The following FIG4 variants were observed in gnomAD, a reference collection of about 807,000 sequenced individuals.
FIG4 encodes the protein FIG4 phosphoinositide 5-phosphatase.
A neutral mutation model predicts 118.6 loss-of-function variants in FIG4; 112 were observed. That is an observed-to-expected ratio of 0.94 (90% CI 0.81 to 1.11). The LOEUF (loss-of-function observed/expected upper bound fraction) is 1.11. Among genes scored for constraint, FIG4 ranks in the 50% least tolerant of loss-of-function variants. The pLI, the probability that FIG4 is intolerant of heterozygous loss-of-function variation, is 0.00. For synonymous variants in FIG4, 369 were observed against 381.2 expected, an observed-to-expected ratio of 0.97 and a Z score of 0.37; for missense variants, 969 against 1,111.7, an observed-to-expected ratio of 0.87 and a Z score of 1.83.
chr6:109,764,021 T>C, intron 13 of FIG4, 39 bp downstream of exon 13: 2 of 1,352,436 alleles, frequency 1.5e-6, no homozygotes, highest in Non-Finnish European at 1.1e-6. Flanking sequence ...ATAGAATCTG[T>C]ATCCATTGTG....
chr6:109,725,127 C>A (rs1444075083), intron 3 of FIG4, among the ~76,000 whole-genome samples: 4 of 152,012 alleles, frequency 2.6e-5, no homozygotes, highest in Admixed American at 2.6e-4. Flanking sequence ...GATACATGTG[C>A]AGAATGTGCA....
At chr6:109,771,037 A>G (rs1777442868) in intron 15 of FIG4, among the ~76,000 whole-genome samples, 1 of 152,232 alleles carries the variant, frequency 6.6e-6, no homozygotes, top group South Asian at 2.1e-4. Context: ...ATTTTAATTT[A>G]TCAAGAATAG....
chr6:109,816,570 T>C (rs1778867890), intron 22 of FIG4, among the ~76,000 whole-genome samples: 1 of 152,152 alleles, frequency 6.6e-6, no homozygotes, highest in African/African-American at 2.4e-5. Context: ...GAAGAAGGTG[T>C]TAATAAGACA....
At chr6:109,796,282 C>T (rs1778284803) in intron 21 of FIG4, among the ~76,000 whole-genome samples, 1 of 152,212 alleles carries the variant, frequency 6.6e-6, no homozygotes, top group Non-Finnish European at 1.5e-5. Context: ...CTGTGGCCGG[C>T]TCTTAGCAGT....
At chr6:109,747,326 T>G (rs1776533458) in intron 10 of FIG4, among the ~76,000 whole-genome samples, 1 of 152,054 alleles carries the variant, frequency 6.6e-6, no homozygotes, top group Non-Finnish European at 1.5e-5. Context: ...TCTCCTGCTC[T>G]TAATGCCCAT....
intron 10 of FIG4, among the ~76,000 whole-genome samples, chr6:109,747,261 G>T (rs900735583): frequency 2.6e-5 from 4 of 152,078 alleles, no homozygotes; most frequent in Admixed American, 6.6e-5. Flanking sequence ...TGGATGAGAT[G>T]CCCATGTGGA....
intron 1 of FIG4, among the ~76,000 whole-genome samples, chr6:109,696,140 G>A (rs1208506504): frequency 6.6e-6 from 1 of 152,134 alleles, no homozygotes; most frequent in Non-Finnish European, 1.5e-5. Context: ...AAGCATCAAT[G>A]ATTTCACCCT....
chr6:109,702,672 A>C (rs202212760), intron 1 of FIG4, among the ~76,000 whole-genome samples: 1 of 151,540 alleles, frequency 6.6e-6, no homozygotes, highest in Non-Finnish European at 1.5e-5. Context: ...TTCCTTCCCT[A>C]TTCTTGGATA....
chr6:109,784,976 T>C lies in FIG4; in HGVS notation c.1896T>C (p.Thr632=), dbSNP rs761894625. ...MRLLPTRRSY[T]YWWTPEVIKH... is the part of the protein sequence containing the mutation. ...TTTAATTTTTATTTTATAGTTATAC[T>C]TACTGGTGGACACCAGAGGTGATAA... Residue 632 remains threonine (T), a synonymous_variant, in exon 17 of 23, where the codon ACT becomes ACC. Coordinates refer to ENST00000230124, the MANE Select transcript of FIG4 (RefSeq NM_014845.6). The C allele has an allele frequency of 6.5e-7, 1 of 1,527,922 alleles. No homozygotes were observed. Among genetic ancestry groups the C allele is most frequent in the South Asian group, 1.2e-5 (1 of 86,568 alleles). The allele number at this position is 1,527,922 out of a possible 1,614,324, so 94.6% of individuals were successfully genotyped here.
At chr6:109,823,633 G>C (rs1779075013) in intron 22 of FIG4, among the ~76,000 whole-genome samples, 1 of 152,040 alleles carries the variant, frequency 6.6e-6, no homozygotes, top group Non-Finnish European at 1.5e-5. Context: ...GTGAAATGTT[G>C]ATATTTCAAG....
At chr6:109,791,012 C>T (rs4376385) in intron 19 of FIG4, among the ~76,000 whole-genome samples, 8,016 of 152,098 alleles carry the variant, frequency 0.053, 387 homozygotes, top group East Asian at 0.19. Flanking sequence ...TTATGAGTTA[C>T]AGCTAATTTT....
chr6:109,745,920 G>C (rs1776481699), intron 10 of FIG4, among the ~76,000 whole-genome samples: 1 of 152,034 alleles, frequency 6.6e-6, no homozygotes, highest in Non-Finnish European at 1.5e-5. Context: ...TCATGTGGAA[G>C]CAAAAAAGAG....
chr6:109,762,538 T>C, intron 12 of FIG4, among the ~76,000 whole-genome samples: 2 of 151,418 alleles, frequency 1.3e-5, no homozygotes, highest in South Asian at 4.2e-4. Flanking sequence ...GATTACATAC[T>C]AACATTTTTA....
intron 10 of FIG4, among the ~76,000 whole-genome samples, chr6:109,752,068 T>C (rs1776723348): frequency 6.9e-6 from 1 of 145,036 alleles, no homozygotes; most frequent in Non-Finnish European, 1.5e-5. Context: ...AGTTCCCACC[T>C]ATGAGTGAGA....
chr6:109,757,716 A>G (rs1334158593), intron 10 of FIG4, among the ~76,000 whole-genome samples: 1 of 152,222 alleles, frequency 6.6e-6, no homozygotes. Context: ...AGAAAACCCC[A>G]TCATCTCAGC....
At chr6:109,742,016 C>G (rs886473824) in intron 8 of FIG4, among the ~76,000 whole-genome samples, 3 of 151,992 alleles carry the variant, frequency 2.0e-5, no homozygotes, top group African/African-American at 7.3e-5. Context: ...ATAATTAATA[C>G]TCCAGTGCAT....
At chr6:109,706,013 A>G (rs1001205395) in intron 1 of FIG4, among the ~76,000 whole-genome samples, 3 of 152,182 alleles carry the variant, frequency 2.0e-5, no homozygotes, top group Non-Finnish European at 2.9e-5. Flanking sequence ...AGCACATGAA[A>G]TGATTACTCT....
intron 10 of FIG4, among the ~76,000 whole-genome samples, chr6:109,758,157 C>A (rs947678123): frequency 6.6e-6 from 1 of 152,164 alleles, no homozygotes; most frequent in Non-Finnish European, 1.5e-5. Context: ...CAAGACAATC[C>A]TAAGCAAAAA....
intron 22 of FIG4, among the ~76,000 whole-genome samples, chr6:109,813,676 C>T (rs1042394327): frequency 1.3e-5 from 2 of 152,312 alleles, no homozygotes; most frequent in Middle Eastern, 6.8e-3. Context: ...CTCTTGTAAT[C>T]TCCTCCCACA....
Sources: gnomAD v4.1 joint callset for allele counts (sites outside exome capture counted in the v4.1 genomes callset) on GRCh38, gnomAD v4.1.1 for gene constraint, MANE v1.5 for transcripts, NCBI Gene and HGNC (gene_info 2026-07-23, HGNC 2026-07-21) for gene names.